ADRA1B: variants seen among roughly 807,000 people sequenced by gnomAD.
The protein encoded by ADRA1B is adrenoceptor alpha 1B.
In ADRA1B, 17 loss-of-function variants were observed where a neutral mutation model predicts 17.9. The observed-to-expected ratio is 0.95, with a 90% CI of 0.65 to 1.42. ADRA1B has a LOEUF of 1.42. Ranked by LOEUF, ADRA1B falls within the 40% of genes most tolerant of loss-of-function variation. The pLI, the probability that ADRA1B is intolerant of heterozygous loss-of-function variation, is 0.00. For synonymous variants in ADRA1B, 366 were observed against 327.6 expected, an observed-to-expected ratio of 1.12 and a Z score of -1.27; for missense variants, 681 against 722.1, an observed-to-expected ratio of 0.94 and a Z score of 0.65.
chr5:159,873,099 A>G (rs914276677), intron 1 of ADRA1B, among the ~76,000 whole-genome samples: 2 of 152,222 alleles, frequency 1.3e-5, no homozygotes, highest in African/African-American at 4.8e-5. Context: ...TGCAAAGGAC[A>G]TGAATTCATT....
intron 1 of ADRA1B, among the ~76,000 whole-genome samples, chr5:159,953,761 G>T (rs76336404): frequency 0.034 from 5,223 of 152,246 alleles, 115 homozygotes; most frequent in Middle Eastern, 0.048. Context: ...CTCAGATGCA[G>T]GCATCTAAGA....
intron 1 of ADRA1B, among the ~76,000 whole-genome samples, chr5:159,936,459 A>G (rs1030295298): frequency 7.2e-5 from 11 of 152,356 alleles, no homozygotes; most frequent in Middle Eastern, 3.4e-3. Context: ...AATGATGGAC[A>G]GCAAGCACTG....
upstream of ADRA1B, among the ~76,000 whole-genome samples, chr5:159,914,163 G>A (rs917453974): frequency 6.6e-6 from 1 of 152,182 alleles, no homozygotes; most frequent in African/African-American, 2.4e-5. Context: ...GGATCTCAAA[G>A]ATCATCTAAG....
intron 1 of ADRA1B, among the ~76,000 whole-genome samples, chr5:159,884,676 T>A (rs1244204809): frequency 6.6e-6 from 1 of 152,208 alleles, no homozygotes; most frequent in Non-Finnish European, 1.5e-5. Flanking sequence ...TTTTCACCAA[T>A]CTATCCACAC....
intron 1 of ADRA1B, among the ~76,000 whole-genome samples, chr5:159,873,496 C>T (rs984841963): frequency 6.6e-6 from 1 of 152,340 alleles, no homozygotes; most frequent in South Asian, 2.1e-4. Flanking sequence ...AAGGCTCAGT[C>T]TTTTCAGCTC....
intron 1 of ADRA1B, among the ~76,000 whole-genome samples, chr5:159,952,926 C>T (rs1351655808): frequency 6.6e-6 from 1 of 152,204 alleles, no homozygotes; most frequent in African/African-American, 2.4e-5. Context: ...GCTGAATAAC[C>T]TTCTTACATT....
chr5:159,939,521 C>G (rs1342628486), intron 1 of ADRA1B, among the ~76,000 whole-genome samples: 1 of 152,102 alleles, frequency 6.6e-6, no homozygotes, highest in South Asian at 2.1e-4. Context: ...CTAACCTACC[C>G]CATCTCCCAA....
At chr5:159,866,953 T>C (rs1251202805) in intron 1 of ADRA1B, 3 of 152,098 alleles carry the variant, frequency 2.0e-5, no homozygotes, top group African/African-American at 7.2e-5. Flanking sequence ...CTGAGAGAGA[T>C]TTCTCAGCAG....
chr5:159,987,537 G>T, the ADRA1B span, among the ~76,000 whole-genome samples: 1 of 152,250 alleles, frequency 6.6e-6, no homozygotes, highest in African/African-American at 2.4e-5. Context: ...CGTTGAGGTG[G>T]ACCCGCGCGC....
intron 1 of ADRA1B, among the ~76,000 whole-genome samples, chr5:159,934,217 G>A (rs2113208203): frequency 6.6e-6 from 1 of 152,316 alleles, no homozygotes; most frequent in South Asian, 2.1e-4. Flanking sequence ...GAGAAGCTGG[G>A]TTATCTTTAA....
intron 1 of ADRA1B, among the ~76,000 whole-genome samples, chr5:159,937,180 A>T (rs1264638203): frequency 1.3e-5 from 2 of 152,220 alleles, no homozygotes; most frequent in Non-Finnish European, 2.9e-5. Flanking sequence ...TTTTCCCACT[A>T]TAGCCATGAA....
chr5:159,989,201 A>G, the ADRA1B span, among the ~76,000 whole-genome samples: 1 of 151,966 alleles, frequency 6.6e-6, no homozygotes, highest in Non-Finnish European at 1.5e-5. Flanking sequence ...TTTGAGATGG[A>G]GTCTCGCTCT....
chr5:159,972,100 T>C lies in ADRA1B; in HGVS notation c.1171T>C (p.Trp391Arg), dbSNP rs1755883019. Reference sequence around the variant, plus strand: ...CGGCTGCGCCTACACCTACCGGCCGTGGACGCGCGGCGGCTCGCTGGAGCG... The same window carrying C: ...CGGCTGCGCCTACACCTACCGGCCGCGGACGCGCGGCGGCTCGCTGGAGCG... ...LGGCAYTYRP[W>R]TRGGSLERSQ... is the part of the protein sequence containing the mutation. The change falls in exon 2 of 2, where the codon TGG becomes CGG. Residue 391 changes from tryptophan (W) to arginine (R), a missense_variant. Transcript: ENST00000306675. 6 of 1,287,684 alleles carry C rather than the reference T, an allele frequency of 4.7e-6. No individual in the cohort carries two copies. The highest frequency in any genetic ancestry group is 2.5e-5 in the South Asian group (1 of 40,172). 79.8% of individuals were successfully genotyped at this position (1,287,684 alleles called of 1,614,324 possible). A position where few individuals can be genotyped will look rare whatever the true frequency, so the allele number is the denominator to read the frequency against.
At chr5:159,923,753 A>G (rs916806702) in intron 1 of ADRA1B, among the ~76,000 whole-genome samples, 2 of 152,282 alleles carry the variant, frequency 1.3e-5, no homozygotes, top group African/African-American at 4.8e-5. Context: ...TTTTAAAAGA[A>G]TAGATCCTTG....
At chr5:159,978,309 A>T in the ADRA1B span, among the ~76,000 whole-genome samples, 8 of 152,214 alleles carry the variant, frequency 5.3e-5, no homozygotes, top group African/African-American at 1.2e-4. Flanking sequence ...TAATAGCAGA[A>T]TAGAGTGCTA....
intron 1 of ADRA1B, among the ~76,000 whole-genome samples, chr5:159,949,302 G>A (rs999594777): frequency 2.0e-5 from 3 of 152,208 alleles, no homozygotes; most frequent in East Asian, 3.9e-4. Flanking sequence ...GCTCATTCAC[G>A]CTTTTAGAGC....
intron 1 of ADRA1B, among the ~76,000 whole-genome samples, chr5:159,872,109 A>G (rs539887956): frequency 1.1e-3 from 171 of 152,374 alleles, no homozygotes; most frequent in African/African-American, 4.1e-3. Flanking sequence ...AACTAAAATA[A>G]TCTTATAAGA....
chr5:159,884,083 A>T (rs1753896324), intron 1 of ADRA1B, among the ~76,000 whole-genome samples: 1 of 152,236 alleles, frequency 6.6e-6, no homozygotes, highest in Admixed American at 6.5e-5. Context: ...AGCCTTTGTT[A>T]TGGCCTAAAG....
Position 159,931,001 on chromosome 5 carries a change from T to A in ADRA1B, c.949+13147T>A, listed in dbSNP as rs946215072. On this transcript the variant is annotated intron_variant, in intron 1 of 1. Transcript: ENST00000306675. ...TAACATATATATAATATATATATTT[T>A]ATAATATTTATTATATATATTTAAT... Among the ~76,000 whole-genome samples, 10 of 147,404 alleles carry A rather than the reference T, an allele frequency of 6.8e-5. No homozygotes were observed. The South Asian group carries it at 8.4e-4, about 12-fold the overall frequency.
Sources: allele counts gnomAD v4.1 joint callset (sites outside exome capture counted in the v4.1 genomes callset), GRCh38; gene constraint gnomAD v4.1.1; transcripts MANE v1.5; gene names NCBI Gene and HGNC (gene_info 2026-07-23, HGNC 2026-07-21).